The following ENPP6 variants were observed in gnomAD, a reference collection of about 807,000 sequenced individuals.
ENPP6 encodes ectonucleotide pyrophosphatase/phosphodiesterase 6.
Under a neutral mutation model 42.0 loss-of-function variants are expected in ENPP6, and 32 were observed. The ratio of observed to expected loss-of-function variants is 0.76; its 90% confidence interval spans 0.58 to 1.02. The LOEUF (loss-of-function observed/expected upper bound fraction) is 1.02. ENPP6 is among the 50% of genes least tolerant of loss of function. The pLI is 0.00. For synonymous variants in ENPP6, 213 were observed against 216.0 expected, an observed-to-expected ratio of 0.99 and a Z score of 0.12; for missense variants, 552 against 566.8, an observed-to-expected ratio of 0.97 and a Z score of 0.27.
In ENPP6 at chr4:184,091,075, T is replaced by C. The variant is rs922626974; in HGVS notation, c.*102A>G. ...TATTTACAATGTGCATGGTCTTGAT[T>C]GTGTTAATGAAGCTATTATTCACAC... is the stretch of plus-strand genomic sequence containing the variant. On this transcript the variant is annotated 3_prime_UTR_variant, in exon 8 of 8. Coordinates refer to ENST00000296741, the MANE Select transcript of ENPP6 (RefSeq NM_153343.4). 3.7e-6 allele frequency: 4 copies of C among 1,078,550 alleles called. No individual in the cohort carries two copies. The Admixed American group carries it at 8.1e-5, about 22-fold the overall frequency. 66.8% of individuals were successfully genotyped at this position (1,078,550 alleles called of 1,614,324 possible). A position where few individuals can be genotyped will look rare whatever the true frequency, so the allele number is the denominator to read the frequency against.
At chr4:184,185,757 C>CAA (rs1177615986) in intron 1 of ENPP6, among the ~76,000 whole-genome samples, 10 of 152,228 alleles carry the variant, frequency 6.6e-5, no homozygotes, top group Admixed American at 6.5e-4. Flanking sequence ...AACAAAAAGG[C>CAA]AAAACAATTT....
chr4:184,134,484 C>G (rs1017111629), intron 2 of ENPP6, among the ~76,000 whole-genome samples: 2 of 152,094 alleles, frequency 1.3e-5, no homozygotes, highest in Non-Finnish European at 2.9e-5. Context: ...CCCTAGCAAT[C>G]TGTCTGTTTC....
At chr4:184,108,558 G>T (rs1736142656) in intron 6 of ENPP6, among the ~76,000 whole-genome samples, 1 of 152,134 alleles carries the variant, frequency 6.6e-6, no homozygotes, top group African/African-American at 2.4e-5. Context: ...AGAAAGAATG[G>T]GCACTTGTTT....
intron 1 of ENPP6, among the ~76,000 whole-genome samples, chr4:184,166,643 T>C (rs1318305588): frequency 6.6e-6 from 1 of 152,148 alleles, no homozygotes; most frequent in Non-Finnish European, 1.5e-5. Flanking sequence ...AATTACTGCA[T>C]TGAAAATGAA....
rs549531570 is a variant in ENPP6, at chr4:184,107,096, C to T, written c.993+5576G>A. Among the ~76,000 whole-genome samples the T allele has an allele frequency of 3.5e-4, 53 of 152,268 alleles. 1 individual carries two copies. The South Asian group carries it at 6.2e-3, about 18-fold the overall frequency. ...CCCAGGCCCCTGGGGGAGGGAGTGG[C>T]AGGGTGACCCACTGAGAACCACGGT... On this transcript the variant is annotated intron_variant, in intron 6 of 7. Coordinates refer to ENST00000296741, the MANE Select transcript of ENPP6 (RefSeq NM_153343.4).
intron 1 of ENPP6, among the ~76,000 whole-genome samples, chr4:184,187,505 C>A (rs1365349215): frequency 6.6e-6 from 1 of 152,196 alleles, no homozygotes; most frequent in South Asian, 2.1e-4. Context: ...CAAACATGCA[C>A]CTGCCTCAGA....
chr4:184,210,572 C>T (rs1375246177), intron 1 of ENPP6, among the ~76,000 whole-genome samples: 1 of 145,888 alleles, frequency 6.9e-6, no homozygotes, highest in Non-Finnish European at 1.5e-5. Context: ...TACAGGAGCA[C>T]CCAGATTCAT....
chr4:184,162,135 G>A (rs745537966), intron 1 of ENPP6, among the ~76,000 whole-genome samples: 8 of 151,970 alleles, frequency 5.3e-5, no homozygotes, highest in African/African-American at 1.9e-4. Flanking sequence ...CCCAGCCTGC[G>A]CATCTCACTG....
chr4:184,187,457 G>C (rs575971289), intron 1 of ENPP6, among the ~76,000 whole-genome samples: 1 of 152,096 alleles, frequency 6.6e-6, no homozygotes, highest in Non-Finnish European at 1.5e-5. Context: ...CTCCTTTTTT[G>C]CTCTTGCTAC....
At chr4:184,134,903 T>G (rs1345485726) in intron 2 of ENPP6, among the ~76,000 whole-genome samples, 1 of 151,602 alleles carries the variant, frequency 6.6e-6, no homozygotes, top group African/African-American at 2.4e-5. Flanking sequence ...ACATCATAAG[T>G]AGCATTTTTA....
chr4:184,190,357 A>G (rs1039477645), intron 1 of ENPP6, among the ~76,000 whole-genome samples: 7 of 152,236 alleles, frequency 4.6e-5, no homozygotes, highest in Admixed American at 4.6e-4. Context: ...TTGTGCTTCT[A>G]GAACTTATCC....
intron 1 of ENPP6, among the ~76,000 whole-genome samples, chr4:184,163,968 C>T (rs6818491): frequency 0.33 from 50,269 of 152,096 alleles, 8,776 homozygotes; most frequent in East Asian, 0.56. Context: ...AATGGAGCGC[C>T]GAGTCCAGAG....
intron 1 of ENPP6, among the ~76,000 whole-genome samples, chr4:184,208,349 T>C (rs1733035933): frequency 6.6e-6 from 1 of 151,654 alleles, no homozygotes; most frequent in Admixed American, 6.6e-5. Flanking sequence ...CACTAGGGAG[T>C]GCCAGACAGT....
At position 184,115,416 on chromosome 4, in the gene ENPP6, C is replaced by T. The variant is rs557500499; in HGVS notation, c.855+1440G>A. On this transcript the variant is annotated intron_variant, in intron 5 of 7. Coordinates refer to ENST00000296741, the MANE Select transcript of ENPP6 (RefSeq NM_153343.4). ...CTCCTCCTCCCTTCTCAGGGTAGGT[C>T]ACCAGCTACTGCCAGGCAGAATATT... Among the ~76,000 whole-genome samples, 264 of 152,308 alleles carry T rather than the reference C, an allele frequency of 1.7e-3. 1 individual carries two copies. The South Asian group carries it at 0.037, about 21-fold the overall frequency.
chr4:184,212,909 A>C (rs536258242), intron 1 of ENPP6, among the ~76,000 whole-genome samples: 10 of 151,922 alleles, frequency 6.6e-5, no homozygotes, highest in African/African-American at 9.7e-5. Context: ...CAATGGAACA[A>C]AACAGAGCCC....
In ENPP6 at chr4:184,138,727, A is replaced by G. The variant is rs186985935; in HGVS notation, c.422-14455T>C. Among the ~76,000 whole-genome samples, 11 of 152,324 alleles carry G rather than the reference A, an allele frequency of 7.2e-5. No individual in the cohort carries two copies. In the East Asian group the frequency reaches 2.1e-3, roughly 29 times the overall value. ...AGTCTGAAGACTCCTGAACTCAGAA[A>G]CTAGGCAGCAGAAGCTGTACTCTAT... On this transcript the variant is annotated intron_variant, in intron 2 of 7. Coordinates refer to ENST00000296741, the MANE Select transcript of ENPP6 (RefSeq NM_153343.4).
At position 184,217,749 on chromosome 4, in the gene ENPP6, C is replaced by T. The variant is rs777264004; in HGVS notation, c.71G>A (p.Arg24Gln). 1.9e-5 allele frequency: 31 copies of T among 1,614,016 alleles called. No homozygotes were observed. The highest frequency in any genetic ancestry group is 1.7e-4 in the African/African-American group (13 of 74,924). The change falls in exon 1 of 8, where the codon CGG (arginine) becomes CAG (glutamine). Residue 24 changes from arginine to glutamine, a missense_variant. By Grantham distance (43) the Arg-to-Gln change is conservative. Coordinates refer to ENST00000296741, the MANE Select transcript of ENPP6 (RefSeq NM_153343.4). Reference sequence around the variant, plus strand: ...ATCCAGCAGAAACACCAGCAGCTTCCGGCGGGCAGAGGCTGGCTGGGCCAG... The same window carrying T: ...ATCCAGCAGAAACACCAGCAGCTTCTGGCGGGCAGAGGCTGGCTGGGCCAG... ...LGLAQPASAR[R>Q]KLLVFLLDGF...
At chr4:184,152,405 C>T (rs903519987) in intron 2 of ENPP6, among the ~76,000 whole-genome samples, 4 of 152,200 alleles carry the variant, frequency 2.6e-5, no homozygotes, top group African/African-American at 4.8e-5. Context: ...CACAACCCAC[C>T]GCCCACTCAC....
rs114968468 is a variant in ENPP6 at position 184,147,406 on chromosome 4, A to G, written c.421+6148T>C. Among the ~76,000 whole-genome samples, 739 of 152,068 alleles carry G rather than the reference A, an allele frequency of 4.9e-3. 5 individuals are homozygous for G. The highest frequency in any genetic ancestry group is 0.017 in the African/African-American group (704 of 41,466). On this transcript the variant is annotated intron_variant, in intron 2 of 7. Transcript: ENST00000296741. ...ATTCCATTCAGGCTGCAGCCGGAGT[A>G]GTGCTTTCAAAATGCAAGTATGATG...
Sources: allele counts gnomAD v4.1 joint callset (sites outside exome capture counted in the v4.1 genomes callset), GRCh38; gene constraint gnomAD v4.1.1; transcripts MANE v1.5; gene names NCBI Gene and HGNC (gene_info 2026-07-23, HGNC 2026-07-21).